Variants in DNAJC1 observed in about 807,000 individuals in gnomAD.
DNAJC1 encodes the protein dnaJ homolog subfamily C member 1.
In DNAJC1, 58 loss-of-function variants were observed where a neutral mutation model predicts 76.6. The ratio of observed to expected loss-of-function variants is 0.76; its 90% CI spans 0.61 to 0.94. The LOEUF is 0.94. Among genes scored for constraint, DNAJC1 ranks in the 40% least tolerant of loss-of-function variants. DNAJC1 has a pLI of 0.00. For synonymous variants in DNAJC1, 258 were observed against 267.9 expected, an observed-to-expected ratio of 0.96 and a Z score of 0.36; for missense variants, 689 against 677.3, an observed-to-expected ratio of 1.02 and a Z score of -0.19.
chr10:21,991,187 A>G (rs907661342), intron 1 of DNAJC1, among the ~76,000 whole-genome samples: 6 of 152,238 alleles, frequency 3.9e-5, no homozygotes, highest in Non-Finnish European at 7.3e-5. Context: ...GAGTTTCAGA[A>G]TAGGGAGAAT....
intron 11 of DNAJC1, among the ~76,000 whole-genome samples, chr10:21,757,576 G>GT (rs895423988): frequency 4.6e-5 from 7 of 151,938 alleles, no homozygotes; most frequent in Admixed American, 1.3e-4. Context: ...TCTTCTCAGG[G>GT]TTTTTTTTCT....
chr10:21,852,901 T>C (rs1442278114), intron 8 of DNAJC1, among the ~76,000 whole-genome samples: 1 of 152,176 alleles, frequency 6.6e-6, no homozygotes, highest in African/African-American at 2.4e-5. Flanking sequence ...TGGAGTCAGA[T>C]CATTTGAGTT....
intron 9 of DNAJC1, among the ~76,000 whole-genome samples, chr10:21,795,163 A>G (rs2131636621): frequency 6.6e-6 from 1 of 152,346 alleles, no homozygotes; most frequent in South Asian, 2.1e-4. Context: ...TCACTAAATA[A>G]GACGTAGGAA....
chr10:21,806,111 T>A lies in DNAJC1; in HGVS notation c.979-12A>T. ...GTCCATTCAGGTGCCTGCAAAACAT[T>A]AAAGAAAATAAAAAAAGATAATTGG... On this transcript the variant is annotated splice_polypyrimidine_tract_variant and intron_variant, in intron 8 of 11. Coordinates refer to ENST00000376980, the MANE Select transcript of DNAJC1 (RefSeq NM_022365.4). 2 of 1,582,166 alleles carry A rather than the reference T, an allele frequency of 1.3e-6. No homozygotes were observed. Among genetic ancestry groups the A allele is most frequent in the Non-Finnish European group, 1.7e-6 (2 of 1,164,502 alleles).
intron 8 of DNAJC1, among the ~76,000 whole-genome samples, chr10:21,828,828 T>C (rs566180400): frequency 5.3e-5 from 8 of 152,334 alleles, no homozygotes; most frequent in Middle Eastern, 3.4e-3. Flanking sequence ...ACATATTTAA[T>C]TTTGAAATTA....
chr10:21,951,484 T>C (rs769370072), intron 1 of DNAJC1, among the ~76,000 whole-genome samples: 4 of 152,092 alleles, frequency 2.6e-5, no homozygotes, highest in African/African-American at 7.2e-5. Context: ...ACTGTTTCTA[T>C]AGCAAACAAC....
intron 1 of DNAJC1, among the ~76,000 whole-genome samples, chr10:21,967,145 A>G (rs1188641722): frequency 6.6e-6 from 1 of 151,894 alleles, no homozygotes; most frequent in African/African-American, 2.4e-5. Flanking sequence ...GTTCATCACA[A>G]TCCAGTTTTA....
chr10:21,974,650 A>G (rs998261776), intron 1 of DNAJC1, among the ~76,000 whole-genome samples: 1 of 152,168 alleles, frequency 6.6e-6, no homozygotes, highest in Non-Finnish European at 1.5e-5. Flanking sequence ...ACTCCAACTT[A>G]CTACACTGCC....
At chr10:21,849,871 CAT>C (rs1215264672) in intron 8 of DNAJC1, among the ~76,000 whole-genome samples, 21 of 152,056 alleles carry the variant, frequency 1.4e-4, no homozygotes, top group African/African-American at 4.8e-4. Flanking sequence ...AAAAACCACA[CAT>C]GATCATCTCA....
intron 6 of DNAJC1, among the ~76,000 whole-genome samples, chr10:21,908,092 A>T (rs11012822): frequency 1.8e-5 from 2 of 112,678 alleles, no homozygotes; most frequent in African/African-American, 3.6e-5. Flanking sequence ...ATTATATATA[A>T]AATATATATA....
chr10:21,757,612 G>A (rs574142656), intron 11 of DNAJC1, among the ~76,000 whole-genome samples: 1 of 152,252 alleles, frequency 6.6e-6, no homozygotes, highest in South Asian at 2.1e-4. Flanking sequence ...ACTTGCCTAA[G>A]GTCTTTAAAG....
chr10:21,786,453 TATATATATATAGAGAGAGAG>T (rs1268512494), intron 9 of DNAJC1, among the ~76,000 whole-genome samples: 82 of 76,330 alleles, frequency 1.1e-3, no homozygotes, highest in African/African-American at 3.6e-3. Flanking sequence ...TATATATATA[TATATATATATAGAGAGAGAG>T]AGAGAGAGAG....
intron 8 of DNAJC1, among the ~76,000 whole-genome samples, chr10:21,809,963 G>A (rs772726252): frequency 1.2e-4 from 18 of 151,706 alleles, no homozygotes; most frequent in Non-Finnish European, 1.9e-4. Context: ...TGTGTGTGGC[G>A]GGGTGGGGGG....
chr10:21,917,248 A>C (rs1445731522), intron 6 of DNAJC1, among the ~76,000 whole-genome samples: 3 of 152,108 alleles, frequency 2.0e-5, no homozygotes, highest in Non-Finnish European at 2.9e-5. Flanking sequence ...AACAGCTATC[A>C]CAGGCAAGTA....
At chr10:21,949,660 G>A (rs904931421) in intron 1 of DNAJC1, among the ~76,000 whole-genome samples, 16 of 151,550 alleles carry the variant, frequency 1.1e-4, no homozygotes, top group Admixed American at 5.9e-4. Flanking sequence ...CAAGTGATCT[G>A]CCCGCCTTGG....
At position 21,911,270 on chromosome 10, in the gene DNAJC1, C is replaced by T. The variant is rs566341972; in HGVS notation, c.730-6658G>A. Among the ~76,000 whole-genome samples the T allele has an allele frequency of 1.7e-3, 255 of 152,166 alleles. 1 individual carries two copies. Among genetic ancestry groups the T allele is most frequent in the Middle Eastern group, 3.4e-3 (1 of 294 alleles). On this transcript the variant is annotated intron_variant, in intron 6 of 11. Coordinates refer to ENST00000376980, the MANE Select transcript of DNAJC1 (RefSeq NM_022365.4). ...GTTTGATAGCCCAAATCTTCTCTTTCGTTTGAGGCTTAGAAATAACCTTCA... is the reference window on the plus strand; with the variant it reads ...GTTTGATAGCCCAAATCTTCTCTTTTGTTTGAGGCTTAGAAATAACCTTCA...
At chr10:21,899,520 T>C (rs1554895195) in intron 7 of DNAJC1, among the ~76,000 whole-genome samples, 1 of 152,164 alleles carries the variant, frequency 6.6e-6, no homozygotes, top group Non-Finnish European at 1.5e-5. Context: ...CTTTGGAGTA[T>C]ACAGACAGTC....
At chr10:21,919,188 AC>A (rs1837000235) in intron 5 of DNAJC1, among the ~76,000 whole-genome samples, 1 of 152,038 alleles carries the variant, frequency 6.6e-6, no homozygotes. Context: ...CTTTTGTACA[AC>A]GAATTCTTAA....
At chr10:21,920,753 T>C (rs940669232) in intron 4 of DNAJC1, 45 bp downstream of exon 4, 11 of 1,522,444 alleles carry the variant, frequency 7.2e-6, no homozygotes, top group Non-Finnish European at 8.8e-6. Context: ...AAATTCCATA[T>C]AAAATTAAGG....
Sources: gnomAD v4.1 joint callset for allele counts (sites outside exome capture counted in the v4.1 genomes callset) on GRCh38, gnomAD v4.1.1 for gene constraint, MANE v1.5 for transcripts, NCBI Gene and HGNC (gene_info 2026-07-23, HGNC 2026-07-21) for gene names.